TSPAN8: variants seen among roughly 807,000 people sequenced by gnomAD.
TSPAN8 encodes the protein tetraspanin 8, also known as tetraspanin-8.
In TSPAN8, 21 loss-of-function variants were observed where a neutral mutation model predicts 32.8. The ratio of observed to expected loss-of-function variants is 0.64; its 90% CI spans 0.45 to 0.92. The LOEUF (loss-of-function observed/expected upper bound fraction) is 0.92. Among genes scored for constraint, TSPAN8 ranks in the 40% least tolerant of loss-of-function variants. TSPAN8 has a pLI of 0.00. For synonymous variants in TSPAN8, 95 were observed against 94.6 expected (o/e 1.00, Z -0.03); for missense variants, 269 against 281.9 (o/e 0.95, Z 0.33).
chr12:71,148,426 A>C (rs1592409025), intron 2 of TSPAN8, among the ~76,000 whole-genome samples: 1 of 152,282 alleles, frequency 6.6e-6, no homozygotes, highest in Non-Finnish European at 1.5e-5. Context: ...AGTTGTATCT[A>C]GACATTTGTA....
chr12:71,129,408 T>C lies in TSPAN8; in HGVS notation c.583A>G (p.Ile195Val). Residue 195 changes from isoleucine (I) to valine (V), a missense_variant, in exon 8 of 9, where the codon ATT becomes GTT. By Grantham distance (29) the Ile-to-Val change is conservative. Coordinates refer to ENST00000247829, the MANE Select transcript of TSPAN8 (RefSeq NM_004616.3). ...GCCAAGAAGTCTTTTATGAAAGAAATACAGGTCTGTTAAAAAAAAAAAACA... is the reference window on the plus strand; with the variant it reads ...GCCAAGAAGTCTTTTATGAAAGAAACACAGGTCTGTTAAAAAAAAAAAACA... ...NGKQVYKETC[I>V]SFIKDFLAKN... The C allele has an allele frequency of 3.2e-6, 5 of 1,563,084 alleles. No homozygotes were observed. Among genetic ancestry groups the C allele is most frequent in the Non-Finnish European group, 4.3e-6 (5 of 1,158,950 alleles).
intron 2 of TSPAN8, among the ~76,000 whole-genome samples, chr12:71,145,714 T>C (rs1215602472): frequency 6.6e-6 from 1 of 152,216 alleles, no homozygotes; most frequent in Non-Finnish European, 1.5e-5. Flanking sequence ...CTCTGGGATT[T>C]TCAGTAATTT....
intron 6 of TSPAN8, among the ~76,000 whole-genome samples, chr12:71,137,103 C>G (rs192092227): frequency 1.3e-5 from 2 of 152,040 alleles, no homozygotes; most frequent in East Asian, 3.9e-4. Context: ...AGACCCCTCT[C>G]TCTACAAAAA....
intron 4 of TSPAN8, chr12:71,139,383 A>C (rs572592432): frequency 4.2e-6 from 2 of 475,680 alleles, no homozygotes; most frequent in African/African-American, 3.9e-5. Context: ...CTATTTGCTT[A>C]CTTATTAACC....
chr12:71,133,285 C>A lies in TSPAN8; in HGVS notation c.445-461G>T, dbSNP rs117193229. Among the ~76,000 whole-genome samples the A allele has an allele frequency of 2.6e-3, 400 of 152,180 alleles. 8 individuals carry two copies. In the East Asian group the frequency reaches 0.05, roughly 19 times the overall value. ...TATTTTTAGCAGAGACCGCGTTTTA[C>A]CATGTTGGCCAGGATTGTCTCAATC... On this transcript the variant is annotated intron_variant, in intron 6 of 8. Coordinates refer to ENST00000247829, the MANE Select transcript of TSPAN8 (RefSeq NM_004616.3).
At chr12:71,136,539 T>C (rs1249762258) in intron 6 of TSPAN8, among the ~76,000 whole-genome samples, 1 of 152,180 alleles carries the variant, frequency 6.6e-6, no homozygotes, top group Non-Finnish European at 1.5e-5. Context: ...GGATGGAAAC[T>C]GATGCAAAGG....
In TSPAN8 at chr12:71,141,393, G is replaced by A. The variant is rs80251940; in HGVS notation, c.124-1545C>T. Among the ~76,000 whole-genome samples the A allele has an allele frequency of 8.6e-3, 1,304 of 152,304 alleles. 26 individuals are homozygous for A. Among genetic ancestry groups the A allele is most frequent in the African/African-American group, 0.03 (1,240 of 41,576 alleles). On this transcript the variant is annotated intron_variant, in intron 3 of 8. Transcript: ENST00000247829. ...AAATAAATGTGACAAAAATAGAAGT[G>A]TTAGGAAACTAGCTCTATGGACTTC...
intron 2 of TSPAN8, among the ~76,000 whole-genome samples, chr12:71,147,803 C>T (rs1872124273): frequency 1.3e-5 from 2 of 152,096 alleles, no homozygotes; most frequent in South Asian, 4.1e-4. Context: ...CAAGAGGGTA[C>T]AAAGTTTATT....
chr12:71,154,436 A>G (rs1172988153), intron 2 of TSPAN8, among the ~76,000 whole-genome samples: 1 of 151,710 alleles, frequency 6.6e-6, no homozygotes, highest in Non-Finnish European at 1.5e-5. Context: ...AACCCTATCA[A>G]GGTAGGTAGG....
intron 2 of TSPAN8, among the ~76,000 whole-genome samples, chr12:71,151,372 T>A (rs1030361134): frequency 6.6e-6 from 1 of 152,172 alleles, no homozygotes; most frequent in African/African-American, 2.4e-5. Context: ...CTCATGTGCA[T>A]CTTCTAACAA....
intron 2 of TSPAN8, among the ~76,000 whole-genome samples, chr12:71,149,569 A>G (rs1329237314): frequency 6.6e-6 from 1 of 152,258 alleles, no homozygotes; most frequent in African/African-American, 2.4e-5. Context: ...GCAGGAAGTC[A>G]GGGACCCCAA....
intron 8 of TSPAN8, 83 bp downstream of exon 8, chr12:71,129,244 CTGTT>C (rs1871439804): frequency 4.7e-6 from 5 of 1,073,792 alleles, no homozygotes; most frequent in East Asian, 3.9e-5. Context: ...TTTTTTTTTT[CTGTT>C]TGTTTGTTCA....
At chr12:71,147,879 T>C (rs2137058377) in intron 2 of TSPAN8, among the ~76,000 whole-genome samples, 1 of 152,298 alleles carries the variant, frequency 6.6e-6, no homozygotes, top group East Asian at 1.9e-4. Context: ...GTTTTTTCTT[T>C]TCCTTCCTGA....
At chr12:71,138,380 G>T in intron 4 of TSPAN8, 150 bp from the exon 5 acceptor site, 1 of 868,862 alleles carries the variant, frequency 1.2e-6, no homozygotes, top group Non-Finnish European at 1.7e-6. Context: ...TTTACTTCAA[G>T]CTGAAAATTT....
At chr12:71,147,718 T>C (rs1170582388) in intron 2 of TSPAN8, among the ~76,000 whole-genome samples, 1 of 152,216 alleles carries the variant, frequency 6.6e-6, no homozygotes, top group Non-Finnish European at 1.5e-5. Flanking sequence ...TGTAGGATTG[T>C]TACTTGTGAG....
At chr12:71,151,016 T>C (rs1186175670) in intron 2 of TSPAN8, among the ~76,000 whole-genome samples, 5 of 152,070 alleles carry the variant, frequency 3.3e-5, no homozygotes, top group Non-Finnish European at 7.4e-5. Flanking sequence ...CTGATACAAG[T>C]GTTAAGTGTA....
chr12:71,132,347 T>G (rs1871543216), intron 7 of TSPAN8, among the ~76,000 whole-genome samples: 1 of 152,168 alleles, frequency 6.6e-6, no homozygotes, highest in Admixed American at 6.6e-5. Context: ...AATATTGTTT[T>G]CTAGAACTTA....
intron 7 of TSPAN8, 112 bp downstream of exon 7, chr12:71,132,581 T>G: frequency 7.8e-7 from 1 of 1,284,582 alleles, no homozygotes; most frequent in Non-Finnish European, 1.1e-6. Context: ...TCTGAGATTT[T>G]TATATCATGA....
chr12:71,129,547 A>T, intron 7 of TSPAN8, 133 bp from the exon 8 acceptor site: 1 of 986,156 alleles, frequency 1.0e-6, no homozygotes, highest in Non-Finnish European at 1.4e-6. Flanking sequence ...GAACTGGGTT[A>T]TTCCTTCCAC....
Sources: allele counts gnomAD v4.1 joint callset (sites outside exome capture counted in the v4.1 genomes callset), GRCh38; gene constraint gnomAD v4.1.1; transcripts MANE v1.5; gene names NCBI Gene and HGNC (gene_info 2026-07-23, HGNC 2026-07-21).